Variants in MDM4 observed in about 807,000 individuals in gnomAD.
MDM4 encodes MDM4 regulator of p53.
In MDM4, 2 loss-of-function variants were observed where a neutral mutation model predicts 60.2. That is an observed-to-expected ratio of 0.03 (90% confidence interval 0.01 to 0.10). The LOEUF (loss-of-function observed/expected upper bound fraction) is 0.10. Ranked by LOEUF, MDM4 falls within the 10% of genes least tolerant of loss-of-function variation. The pLI is 1.00. For missense variants in MDM4, 447 were observed against 577.5 expected, an observed-to-expected ratio of 0.77 and a Z score of 2.32; for synonymous variants, 202 against 198.1, an observed-to-expected ratio of 1.02 and a Z score of -0.17.
chr1:204,555,865 A>T lies in MDM4; in HGVS notation c.*6183A>T, dbSNP rs1383663319. ...GGGTGACAGAGACTCTGTCTCAAAA[A>T]AAAGGACATTTATCATTATAACATC... On this transcript the variant is annotated 3_prime_UTR_variant, in exon 11 of 11. Coordinates refer to ENST00000367182, the MANE Select transcript of MDM4 (RefSeq NM_002393.5). 5.3e-6 allele frequency: 1 copy of T among 187,856 alleles called. No homozygotes were observed. The highest frequency in any genetic ancestry group is 1.1e-5 in the Non-Finnish European group (1 of 89,254). The allele number at this position is 187,856 out of a possible 1,614,324, so 11.6% of individuals were successfully genotyped here. A position where few individuals can be genotyped will look rare whatever the true frequency, so the allele number is the denominator to read the frequency against.
chr1:204,522,427 C>T (rs1659656247), intron 1 of MDM4, among the ~76,000 whole-genome samples: 2 of 129,088 alleles, frequency 1.5e-5, no homozygotes, highest in African/African-American at 3.0e-5. Context: ...TTGAAACAAT[C>T]TTGCTCTGTC....
intron 5 of MDM4, chr1:204,532,877 G>A: frequency 6.4e-7 from 1 of 1,573,670 alleles, no homozygotes; most frequent in Non-Finnish European, 8.6e-7. Flanking sequence ...TGGTAAACTG[G>A]TAGTGCTTGA....
At chr1:204,542,737 A>G (rs774838821) in intron 7 of MDM4, 47 bp from the exon 8 acceptor site, 5 of 1,388,732 alleles carry the variant, frequency 3.6e-6, no homozygotes, top group Non-Finnish European at 5.0e-6. Flanking sequence ...AGTCTTAGTT[A>G]TTACGTATTG....
At chr1:204,517,228 G>A (rs1416217583) in intron 1 of MDM4, among the ~76,000 whole-genome samples, 1 of 151,050 alleles carries the variant, frequency 6.6e-6, no homozygotes. Flanking sequence ...GGCTACAGAG[G>A]GAGATTCCGT....
intron 7 of MDM4, among the ~76,000 whole-genome samples, chr1:204,540,590 C>T (rs1260537872): frequency 6.6e-6 from 1 of 151,844 alleles, no homozygotes; most frequent in Non-Finnish European, 1.5e-5. Flanking sequence ...TGGTGAAACA[C>T]TGTCTATATT....
chr1:204,529,395 G>A, intron 3 of MDM4: 1 of 1,132,112 alleles, frequency 8.8e-7, no homozygotes, highest in Non-Finnish European at 1.3e-6. Flanking sequence ...GGGCTGCTGG[G>A]CACCGTAGGA....
chr1:204,522,214 A>G (rs1228550321), intron 1 of MDM4, among the ~76,000 whole-genome samples: 4 of 151,672 alleles, frequency 2.6e-5, no homozygotes, highest in Admixed American at 2.0e-4. Flanking sequence ...TGTAGTCCCA[A>G]CTACTTGGGA....
At chr1:204,530,614 C>T in intron 3 of MDM4, 70 bp from the exon 4 acceptor site, 1 of 1,561,254 alleles carries the variant, frequency 6.4e-7, no homozygotes, top group Non-Finnish European at 8.8e-7. Context: ...ACTTACCTTA[C>T]CTCCTCTAAT....
intron 1 of MDM4, among the ~76,000 whole-genome samples, chr1:204,523,579 G>T (rs1476766121): frequency 1.5e-5 from 2 of 132,876 alleles, no homozygotes; most frequent in African/African-American, 2.8e-5. Context: ...CACCTTGCCA[G>T]TTCAGGTGAT....
At position 204,552,824 on chromosome 1, in the gene MDM4, G is replaced by A. The variant is rs1429331128; in HGVS notation, c.*3142G>A. ...CGATCCTAAGATATGTGCTTGAGCCGAATTTCATCTTTACTTGTAGGAAAC... is the reference window on the plus strand; with the variant it reads ...CGATCCTAAGATATGTGCTTGAGCCAAATTTCATCTTTACTTGTAGGAAAC... On this transcript the variant is annotated 3_prime_UTR_variant, in exon 11 of 11. Coordinates refer to ENST00000367182, the MANE Select transcript of MDM4 (RefSeq NM_002393.5). 4 of 179,048 alleles carry A rather than the reference G, an allele frequency of 2.2e-5. No individual in the cohort carries two copies. Among genetic ancestry groups the A allele is most frequent in the African/African-American group, 7.1e-5 (3 of 42,060 alleles). The allele number at this position is 179,048 out of a possible 1,614,324, so 11.1% of individuals were successfully genotyped here. A position where few individuals can be genotyped will look rare whatever the true frequency, so the allele number is the denominator to read the frequency against.
At chr1:204,542,436 T>C (rs1662194240) in intron 7 of MDM4, among the ~76,000 whole-genome samples, 1 of 152,216 alleles carries the variant, frequency 6.6e-6, no homozygotes, top group African/African-American at 2.4e-5. Context: ...TAGGAGTGTT[T>C]AAAATACCAG....
In MDM4 at chr1:204,544,307, G is replaced by A. The variant is rs549934884; in HGVS notation, c.673-228G>A. Among the ~76,000 whole-genome samples the A allele has an allele frequency of 2.6e-5, 4 of 152,308 alleles. No homozygotes were observed. The East Asian group carries it at 7.7e-4, about 29-fold the overall frequency. On this transcript the variant is annotated intron_variant, in intron 8 of 10. Coordinates refer to ENST00000367182, the MANE Select transcript of MDM4 (RefSeq NM_002393.5). ...TCTTAGGTGTTATACCTGATTTAGTGTTAAAAGAGAAAAGTCCATGCCTGA... is the reference window on the plus strand; with the variant it reads ...TCTTAGGTGTTATACCTGATTTAGTATTAAAAGAGAAAAGTCCATGCCTGA...
intron 5 of MDM4, among the ~76,000 whole-genome samples, chr1:204,535,733 A>G (rs1201808276): frequency 6.6e-6 from 1 of 151,080 alleles, no homozygotes; most frequent in African/African-American, 2.4e-5. Flanking sequence ...AGGTTTCACC[A>G]GGCTGGTGGG....
At position 204,552,668 on chromosome 1, in the gene MDM4, G is replaced by GT. The variant is rs1323063765; in HGVS notation, c.*2989dup. 1 of 177,644 alleles carries GT rather than the reference G, an allele frequency of 5.6e-6. No individual in the cohort carries two copies. The highest frequency in any genetic ancestry group is 1.2e-5 in the Non-Finnish European group (1 of 82,658). 11.0% of individuals were successfully genotyped at this position (177,644 alleles called of 1,614,324 possible). A position where few individuals can be genotyped will look rare whatever the true frequency, so the allele number is the denominator to read the frequency against. ...CTTAAGAAGTAAACATTTTACTTAT[G>GT]TTTATAGGTATTTGATCCTAAATTT... On this transcript the variant is annotated 3_prime_UTR_variant, in exon 11 of 11. Coordinates refer to ENST00000367182, the MANE Select transcript of MDM4 (RefSeq NM_002393.5).
chr1:204,534,129 A>G (rs1295972210), intron 5 of MDM4, among the ~76,000 whole-genome samples: 3 of 152,218 alleles, frequency 2.0e-5, no homozygotes, highest in African/African-American at 7.2e-5. Context: ...AAGGCAGAGA[A>G]AGAGACATTG....
At chr1:204,529,123 T>C in intron 3 of MDM4, 1 of 1,187,932 alleles carries the variant, frequency 8.4e-7, no homozygotes, top group South Asian at 1.3e-5. Context: ...CAGTCATAAC[T>C]GCTGGAAGAG....
In MDM4 at chr1:204,530,666, G is replaced by C; in HGVS notation, c.154-18G>C. 1 of 1,614,028 alleles carries C rather than the reference G, an allele frequency of 6.2e-7. No individual in the cohort carries two copies. Among genetic ancestry groups the C allele is most frequent in the Non-Finnish European group, 8.5e-7 (1 of 1,179,956 alleles). ...TAGCAGCTGGACAGATCACAACATG[G>C]TATTTTATTCCATGCAGGTCATGCA... is the stretch of plus-strand genomic sequence containing the variant. On this transcript the variant is annotated intron_variant, in intron 3 of 10. Transcript: ENST00000367182.
intron 5 of MDM4, chr1:204,537,133 C>G (rs1202510670): frequency 2.7e-6 from 1 of 373,250 alleles, no homozygotes; most frequent in African/African-American, 2.1e-5. Context: ...TGCTTGGAAC[C>G]AGTTTTCATA....
At position 204,544,559 on chromosome 1, in the gene MDM4, G is replaced by A; in HGVS notation, c.697G>A (p.Asp233Asn). Residue 233 changes from aspartate (D) to asparagine (N), a missense_variant, in exon 9 of 11, where the codon GAT becomes AAT. By Grantham distance (23) the Asp-to-Asn change is conservative. Coordinates refer to ENST00000367182, the MANE Select transcript of MDM4 (RefSeq NM_002393.5). ...NQDVGTAIVS[D>N]TTDDLWFLNE... The stretch of plus-strand genomic sequence containing the variant: ...GGATGTGGGTACTGCCATTGTTTCA[G>A]ATACTACAGATGACTTGTGGTTTTT... 1 of 1,612,238 alleles carries A rather than the reference G, an allele frequency of 6.2e-7. No individual in the cohort carries two copies. The highest frequency in any genetic ancestry group is 8.5e-7 in the Non-Finnish European group (1 of 1,178,810).
Sources: gnomAD v4.1 joint callset for allele counts (sites outside exome capture counted in the v4.1 genomes callset) on GRCh38, gnomAD v4.1.1 for gene constraint, MANE v1.5 for transcripts, NCBI Gene and HGNC (gene_info 2026-07-23, HGNC 2026-07-21) for gene names.